Variants in FDFT1 observed in about 807,000 individuals in gnomAD.
FDFT1 encodes the protein squalene synthase.
FDFT1 carries 68 observed loss-of-function variants against 46.8 expected under a neutral mutation model. The observed-to-expected ratio is 1.45, with a 90% confidence interval of 1.19 to 1.78. The LOEUF (loss-of-function observed/expected upper bound fraction) is 1.78, where lower values mean the gene tolerates loss of function less well. Ranked by LOEUF, FDFT1 falls within the 40% of genes most tolerant of loss-of-function variation. The pLI, the probability that FDFT1 is intolerant of heterozygous loss-of-function variation, is 0.00. For synonymous variants in FDFT1, 351 were observed against 185.1 expected (o/e 1.90, Z -7.28); for missense variants, 928 against 524.4 (o/e 1.77, Z -7.52).
chr8:11,837,023 T>C (rs1015903665), intron 7 of FDFT1, among the ~76,000 whole-genome samples: 17 of 149,652 alleles, frequency 1.1e-4, no homozygotes, highest in African/African-American at 3.4e-4. Flanking sequence ...GGTAAAGGTA[T>C]GTACAATAGG....
intron 1 of FDFT1, chr8:11,808,591 C>G: frequency 1.4e-6 from 2 of 1,387,004 alleles, no homozygotes; most frequent in African/African-American, 1.5e-5. Context: ...CCCGCCGCGG[C>G]GCCCAGGGGC....
chr8:11,838,404 C>A lies in FDFT1; in HGVS notation c.1049C>A (p.Pro350His). The change falls in exon 8 of 8, where the codon CCC (proline) becomes CAC (histidine). Residue 350 changes from proline to histidine, a missense_variant. Coordinates refer to ENST00000220584, the MANE Select transcript of FDFT1 (RefSeq NM_004462.5). ...QYMEEIYHRI[P>H]DSDPSSSKTR... ...CTTTAACAGATTTATCATAGAATCC[C>A]CGACTCAGACCCATCTTCTAGCAAA... 6.2e-7 allele frequency: 1 copy of A among 1,613,636 alleles called. No homozygotes were observed. Among genetic ancestry groups the A allele is most frequent in the Non-Finnish European group, 8.5e-7 (1 of 1,179,650 alleles).
At chr8:11,805,835 T>C (rs1395844418) in intron 1 of FDFT1, among the ~76,000 whole-genome samples, 1 of 152,220 alleles carries the variant, frequency 6.6e-6, no homozygotes, top group African/African-American at 2.4e-5. Context: ...CTAAAAATGC[T>C]AAATTCTGCC....
At chr8:11,820,381 A>C (rs927146805) in intron 3 of FDFT1, among the ~76,000 whole-genome samples, 3 of 152,170 alleles carry the variant, frequency 2.0e-5, no homozygotes, top group African/African-American at 7.2e-5. Context: ...CTCTCTTCAG[A>C]GCTGTCAGGC....
chr8:11,834,642 A>C (rs890258753), intron 7 of FDFT1, among the ~76,000 whole-genome samples: 4 of 152,190 alleles, frequency 2.6e-5, no homozygotes, highest in Non-Finnish European at 5.9e-5. Flanking sequence ...TTTTTGCTTT[A>C]ATGGAAGTTT....
intron 7 of FDFT1, among the ~76,000 whole-genome samples, chr8:11,836,234 A>G (rs376858670): frequency 1.3e-5 from 2 of 152,086 alleles, no homozygotes; most frequent in Non-Finnish European, 2.9e-5. Flanking sequence ...GTGAATGCCT[A>G]TTTTATGGCT....
chr8:11,802,960 G>A (rs1364252844), intron 1 of FDFT1, 29 bp downstream of exon 1: 6 of 1,574,830 alleles, frequency 3.8e-6, no homozygotes, highest in Non-Finnish European at 5.2e-6. Flanking sequence ...CTTGCCCGGG[G>A]CGGGGAAGGA....
upstream of FDFT1, among the ~76,000 whole-genome samples, chr8:11,800,364 T>G (rs117160301): frequency 0.028 from 4,265 of 150,930 alleles, 240 homozygotes; most frequent in East Asian, 0.27. Context: ...GCCAGCAGTT[T>G]TGCCATGGGA....
intron 1 of FDFT1, chr8:11,808,085 C>G (rs555691271): frequency 5.5e-4 from 112 of 202,258 alleles, no homozygotes; most frequent in Non-Finnish European, 8.7e-4. Context: ...AATCGGCTGT[C>G]TAGGGTGATC....
intron 3 of FDFT1, among the ~76,000 whole-genome samples, chr8:11,812,368 G>GT (rs1807840651): frequency 6.6e-6 from 1 of 152,238 alleles, no homozygotes; most frequent in Non-Finnish European, 1.5e-5. Context: ...CAAGGGCTGT[G>GT]TTGGGGAGTG....
chr8:11,796,855 G>A (rs116793363), intron 1 of FDFT1, among the ~76,000 whole-genome samples: 1,934 of 152,338 alleles, frequency 0.013, 46 homozygotes, highest in African/African-American at 0.044. Context: ...CAGTGGTAAG[G>A]TGGAAGAAAA....
intron 3 of FDFT1, 37 bp from the exon 4 acceptor site, chr8:11,821,713 T>A: frequency 3.1e-6 from 5 of 1,608,936 alleles, no homozygotes; most frequent in Non-Finnish European, 4.2e-6. Context: ...TCTGTACATA[T>A]TTCATGATTT....
rs35076894 is a variant in FDFT1, at chr8:11,825,539, C to CAA, written c.511-465_511-464dup. On this transcript the variant is annotated intron_variant, in intron 4 of 7. Coordinates refer to ENST00000220584, the MANE Select transcript of FDFT1 (RefSeq NM_004462.5). ...CAGGGGACAAAGTGAGACTTGATCTCAAAAAAAAAAAAAAAAAAAAAGTTA... is the reference window on the plus strand; with the variant it reads ...CAGGGGACAAAGTGAGACTTGATCTCAAAAAAAAAAAAAAAAAAAAAAAGTTA... Among the ~76,000 whole-genome samples, 121 of 94,768 alleles carry CAA rather than the reference C, an allele frequency of 1.3e-3. 1 individual carries two copies. Among genetic ancestry groups the CAA allele is most frequent in the African/African-American group, 4.1e-3 (110 of 26,526 alleles). The allele number at this position is 94,768 out of a possible 152,430, so 62.2% of individuals were successfully genotyped here.
intron 1 of FDFT1, chr8:11,803,355 G>GAC: frequency 7.7e-7 from 1 of 1,290,704 alleles, no homozygotes; most frequent in Non-Finnish European, 1.0e-6. Context: ...CTGGAATGAA[G>GAC]TCTGACTCCT....
chr8:11,837,731 G>A (rs748017095), intron 7 of FDFT1, among the ~76,000 whole-genome samples: 20 of 152,248 alleles, frequency 1.3e-4, no homozygotes, highest in Non-Finnish European at 2.2e-4. Context: ...AGAGCAGACA[G>A]GTAGATTTGG....
rs1809967561 is a variant in FDFT1, at chr8:11,826,224, T to C, written c.702+9T>C. On this transcript the variant is annotated intron_variant, in intron 5 of 7. Coordinates refer to ENST00000220584, the MANE Select transcript of FDFT1 (RefSeq NM_004462.5). ...AGTTCTGGCCTCAAGAGGTAACAGATTCAGGGTATTTTGGGGGAAAATAAC... is the reference window on the plus strand; with the variant it reads ...AGTTCTGGCCTCAAGAGGTAACAGACTCAGGGTATTTTGGGGGAAAATAAC... The C allele has an allele frequency of 2.0e-6, 3 of 1,505,562 alleles. No individual in the cohort carries two copies. The highest frequency in any genetic ancestry group is 1.8e-4 in the Middle Eastern group (1 of 5,554). 93.3% of individuals were successfully genotyped at this position (1,505,562 alleles called of 1,614,324 possible). A position where few individuals can be genotyped will look rare whatever the true frequency, so the allele number is the denominator to read the frequency against.
At chr8:11,822,054 C>G (rs956922394) in intron 4 of FDFT1, among the ~76,000 whole-genome samples, 176 bp downstream of exon 4, 4 of 152,184 alleles carry the variant, frequency 2.6e-5, no homozygotes, top group Non-Finnish European at 5.9e-5. Context: ...TAATTCCAAA[C>G]CAGCAGCTAT....
chr8:11,829,442 G>C (rs1810468680), intron 5 of FDFT1, among the ~76,000 whole-genome samples: 1 of 152,144 alleles, frequency 6.6e-6, no homozygotes, highest in Admixed American at 6.5e-5. Flanking sequence ...ACACTTAGAG[G>C]ATAGACTCAG....
exon 1 of FDFT1, chr8:11,795,619 C>G (rs1407640865): frequency 6.6e-6 from 1 of 150,740 alleles, no homozygotes; most frequent in Non-Finnish European, 1.5e-5. Context: ...GCTTGGGAAG[C>G]TTTGTTGTTT....
Sources: allele counts gnomAD v4.1 joint callset (sites outside exome capture counted in the v4.1 genomes callset), GRCh38; gene constraint gnomAD v4.1.1; transcripts MANE v1.5; gene names NCBI Gene and HGNC (gene_info 2026-07-23, HGNC 2026-07-21).